The following NCALD variants were observed in gnomAD, a reference collection of about 807,000 sequenced individuals.
NCALD encodes neurocalcin-delta.
Under a neutral mutation model 18.6 loss-of-function variants are expected in NCALD, and 10 were observed. That is an observed-to-expected ratio of 0.54 (90% confidence interval 0.33 to 0.91). The LOEUF is 0.91. Ranked by LOEUF, NCALD falls within the 40% of genes least tolerant of loss-of-function variation. The pLI, the probability that NCALD is intolerant of heterozygous loss-of-function variation, is 0.03. For missense variants in NCALD, 184 were observed against 247.6 expected (o/e 0.74, Z 1.72); for synonymous variants, 88 against 87.4 (o/e 1.01, Z -0.04).
At chr8:101,982,840 CAAAAA>C (rs34445002) in intron 2 of NCALD, among the ~76,000 whole-genome samples, 1 of 112,356 alleles carries the variant, frequency 8.9e-6, no homozygotes. Context: ...GACCCCATCT[CAAAAA>C]AAAAAAAAAA....
intron 2 of NCALD, among the ~76,000 whole-genome samples, chr8:101,927,443 T>G (rs1444635111): frequency 2.0e-5 from 3 of 151,998 alleles, no homozygotes; most frequent in African/African-American, 7.3e-5. Context: ...CAGAGAAGGG[T>G]CTGCGTGTGA....
intron 2 of NCALD, among the ~76,000 whole-genome samples, chr8:101,926,430 G>A (rs1818338674): frequency 6.6e-6 from 1 of 152,176 alleles, no homozygotes; most frequent in Non-Finnish European, 1.5e-5. Context: ...GGCTTGGAAG[G>A]ACTCAGGAAT....
At chr8:102,075,974 C>A (rs1429399543) in intron 1 of NCALD, among the ~76,000 whole-genome samples, 4 of 149,476 alleles carry the variant, frequency 2.7e-5, no homozygotes, top group African/African-American at 2.4e-5. Flanking sequence ...AAACAAAAAA[C>A]TGGAAACAAA....
chr8:101,956,665 T>C (rs1342012173), intron 2 of NCALD, among the ~76,000 whole-genome samples: 1 of 152,010 alleles, frequency 6.6e-6, no homozygotes. Flanking sequence ...CTATCTACTC[T>C]GGACCATTAA....
chr8:101,778,861 A>G (rs1342128031), intron 1 of NCALD, among the ~76,000 whole-genome samples: 1 of 152,178 alleles, frequency 6.6e-6, no homozygotes, highest in Non-Finnish European at 1.5e-5. Context: ...GAATCTTTGG[A>G]TTTAAAAAAC....
At chr8:101,898,787 T>C (rs1817308007) in intron 3 of NCALD, among the ~76,000 whole-genome samples, 1 of 152,164 alleles carries the variant, frequency 6.6e-6, no homozygotes, top group African/African-American at 2.4e-5. Context: ...ACGATAGCTA[T>C]ACTAATTTTG....
At chr8:101,985,223 C>T (rs945488755) in intron 2 of NCALD, among the ~76,000 whole-genome samples, 9 of 152,266 alleles carry the variant, frequency 5.9e-5, no homozygotes, top group African/African-American at 2.2e-4. Context: ...CTTCTGATGA[C>T]CCACCCCCAG....
chr8:101,986,972 G>A (rs186184067), intron 2 of NCALD, among the ~76,000 whole-genome samples: 211 of 152,242 alleles, frequency 1.4e-3, no homozygotes, highest in Non-Finnish European at 2.4e-3. Flanking sequence ...GGGGGTCCCC[G>A]GAATCACACC....
intron 1 of NCALD, among the ~76,000 whole-genome samples, chr8:102,034,037 C>T (rs1268012954): frequency 6.6e-6 from 1 of 151,948 alleles, no homozygotes; most frequent in Non-Finnish European, 1.5e-5. Flanking sequence ...CACACACACA[C>T]ACACACACAC....
intron 2 of NCALD, among the ~76,000 whole-genome samples, chr8:101,992,725 C>T (rs993348344): frequency 6.6e-6 from 1 of 152,144 alleles, no homozygotes; most frequent in Non-Finnish European, 1.5e-5. Flanking sequence ...GAGTCACATT[C>T]ACATCGTTGT....
chr8:101,962,951 T>C (rs975412534), intron 2 of NCALD, among the ~76,000 whole-genome samples: 1 of 152,178 alleles, frequency 6.6e-6, no homozygotes, highest in African/African-American at 2.4e-5. Flanking sequence ...AAAAGATGTA[T>C]TGCCAAATAC....
At chr8:101,781,873 C>T (rs1052289036) in intron 1 of NCALD, among the ~76,000 whole-genome samples, 1 of 151,750 alleles carries the variant, frequency 6.6e-6, no homozygotes, top group South Asian at 2.1e-4. Flanking sequence ...AGATGGCATG[C>T]TCTGGTTAAG....
intron 2 of NCALD, among the ~76,000 whole-genome samples, chr8:101,994,137 T>C (rs1381206854): frequency 6.6e-6 from 1 of 152,246 alleles, no homozygotes; most frequent in African/African-American, 2.4e-5. Flanking sequence ...ACTTCTTCTC[T>C]GGAACTGCCT....
chr8:101,742,290 A>G (rs993645541), intron 1 of NCALD, among the ~76,000 whole-genome samples: 2 of 152,192 alleles, frequency 1.3e-5, no homozygotes, highest in African/African-American at 4.8e-5. Context: ...TGAAGAAGAA[A>G]GCAATAAAGG....
chr8:101,689,478 G>T lies in NCALD; in HGVS notation c.485-72C>A, dbSNP rs950631579. 2.5e-6 allele frequency: 3 copies of T among 1,181,642 alleles called. No homozygotes were observed. Among genetic ancestry groups the T allele is most frequent in the Admixed American group, 2.0e-5 (1 of 49,212 alleles). The allele number at this position is 1,181,642 out of a possible 1,614,324, so 73.2% of individuals were successfully genotyped here. A position where few individuals can be genotyped will look rare whatever the true frequency, so the allele number is the denominator to read the frequency against. ...GAGCTTACACCCTTCCCACTACTGC[G>T]TGCTGGGCAGTGTCGATTCACCTGC... On this transcript the variant is annotated intron_variant, in intron 3 of 3. Transcript: ENST00000220931. This position sits in a 1 kb window ranked among gnomAD's most constrained non-coding sequence, Gnocchi z 4.4.
chr8:101,688,742 T>C lies in NCALD; in HGVS notation c.*567A>G, dbSNP rs560429646. ...TCTCCTCTGTTAATTTATCTTGAAA[T>C]GTTCACAGCTTAGAAACTACAGCCT... On this transcript the variant is annotated 3_prime_UTR_variant, in exon 4 of 4. Transcript: ENST00000220931. The C allele has an allele frequency of 1.9e-6, 1 of 527,340 alleles. No homozygotes were observed. The highest frequency in any genetic ancestry group is 1.5e-5 in the South Asian group (1 of 65,192). 32.7% of individuals were successfully genotyped at this position (527,340 alleles called of 1,614,324 possible).
intron 1 of NCALD, among the ~76,000 whole-genome samples, chr8:102,081,553 A>T (rs866596233): frequency 2.0e-5 from 2 of 101,310 alleles, no homozygotes; most frequent in Non-Finnish European, 3.8e-5. Context: ...GGTAAAAAAA[A>T]AAAAAAAAAA....
At chr8:101,830,234 G>A (rs1199345334) in intron 4 of NCALD, among the ~76,000 whole-genome samples, 3 of 152,182 alleles carry the variant, frequency 2.0e-5, no homozygotes, top group South Asian at 2.1e-4. Context: ...ATCAAGGATG[G>A]CAAAGATAAT....
upstream of NCALD, among the ~76,000 whole-genome samples, chr8:101,794,422 AG>A (rs1415776869): frequency 4.2e-4 from 64 of 151,968 alleles, no homozygotes; most frequent in African/African-American, 1.3e-3. Context: ...CCTCAAAAAA[AG>A]GAAAAGAAGA....
Sources: allele counts gnomAD v4.1 joint callset (sites outside exome capture counted in the v4.1 genomes callset), GRCh38; gene constraint gnomAD v4.1.1; non-coding constraint Gnocchi (gnomAD v3.1); transcripts MANE v1.5; gene names NCBI Gene and HGNC (gene_info 2026-07-23, HGNC 2026-07-21).